CDH13: variants seen among roughly 807,000 people sequenced by gnomAD.
The protein encoded by CDH13 is cadherin-13.
In CDH13, 24 loss-of-function variants were observed where a neutral mutation model predicts 63.8. The observed-to-expected ratio is 0.38, with a 90% CI of 0.27 to 0.53. CDH13 has a LOEUF of 0.53. CDH13 is among the 20% of genes least tolerant of loss of function. CDH13 has a pLI of 0.85. For synonymous variants in CDH13, 503 were observed against 355.3 expected, an observed-to-expected ratio of 1.42 and a Z score of -4.67; for missense variants, 1,049 against 903.1, an observed-to-expected ratio of 1.16 and a Z score of -2.07.
intron 1 of CDH13, among the ~76,000 whole-genome samples, chr16:82,683,117 C>T (rs1914720473): frequency 6.6e-6 from 1 of 152,182 alleles, no homozygotes; most frequent in South Asian, 2.1e-4. Context: ...CATCAGTATC[C>T]AGTGAAACAA....
chr16:82,669,656 G>A (rs1284553886), intron 1 of CDH13, among the ~76,000 whole-genome samples: 1 of 152,246 alleles, frequency 6.6e-6, no homozygotes, highest in Non-Finnish European at 1.5e-5. Context: ...CAATTAAGAT[G>A]CTGTTTCTTC....
intron 4 of CDH13, among the ~76,000 whole-genome samples, chr16:83,189,321 G>T (rs997204365): frequency 2.0e-5 from 3 of 152,114 alleles, no homozygotes; most frequent in African/African-American, 7.2e-5. Context: ...TTTGCCCCCA[G>T]TCTCCCTGGG....
intron 1 of CDH13, among the ~76,000 whole-genome samples, chr16:82,806,157 T>C (rs945950570): frequency 3.9e-5 from 6 of 152,208 alleles, no homozygotes; most frequent in Admixed American, 1.3e-4. Context: ...TCCCAAAGCA[T>C]ATAAGGACTC....
chr16:82,870,117 C>G (rs1166272076), intron 2 of CDH13, among the ~76,000 whole-genome samples: 1 of 151,204 alleles, frequency 6.6e-6, no homozygotes, highest in Non-Finnish European at 1.5e-5. Context: ...GGAAGTCAAA[C>G]AACTCAATAG....
intron 2 of CDH13, among the ~76,000 whole-genome samples, chr16:82,880,916 C>A (rs1398968097): frequency 6.6e-6 from 1 of 152,136 alleles, no homozygotes; most frequent in African/African-American, 2.4e-5. Flanking sequence ...TGCCCAACAT[C>A]TGGGGCTTTG....
rs551771010 is a variant in CDH13, at chr16:83,526,641, G to A, written c.960+39986G>A. On this transcript the variant is annotated intron_variant, in intron 7 of 13. Coordinates refer to ENST00000567109, the MANE Select transcript of CDH13 (RefSeq NM_001257.5). ...ACAGCGTACAGACTAGTTCTGGTCC[G>A]TGGCCCGGGGGCTGGCGGCTCCTGG... is the stretch of plus-strand genomic sequence containing the variant. Among the ~76,000 whole-genome samples, 9 of 152,300 alleles carry A rather than the reference G, an allele frequency of 5.9e-5. No homozygotes were observed. The South Asian group carries it at 8.3e-4, about 14-fold the overall frequency.
At chr16:82,791,112 C>A (rs993679989) in intron 1 of CDH13, among the ~76,000 whole-genome samples, 7 of 152,130 alleles carry the variant, frequency 4.6e-5, no homozygotes, top group African/African-American at 1.7e-4. Flanking sequence ...TGGCAGGTGC[C>A]TGCAGTTCCA....
intron 6 of CDH13, among the ~76,000 whole-genome samples, chr16:83,438,276 A>G (rs1412289552): frequency 6.6e-6 from 1 of 152,226 alleles, no homozygotes; most frequent in Admixed American, 6.5e-5. Context: ...AACTGCAGGA[A>G]TCATTTGCAG....
intron 11 of CDH13, among the ~76,000 whole-genome samples, chr16:83,772,442 C>G (rs1421304814): frequency 6.6e-6 from 1 of 152,138 alleles, no homozygotes; most frequent in East Asian, 1.9e-4. Flanking sequence ...AATTAGCAGA[C>G]CAAATGCCAG....
chr16:82,956,077 A>G (rs1196257960), intron 2 of CDH13, among the ~76,000 whole-genome samples: 3 of 152,012 alleles, frequency 2.0e-5, no homozygotes, highest in Non-Finnish European at 2.9e-5. Context: ...ACCAACCTCT[A>G]ACCTCAACCC....
At chr16:83,513,576 G>A (rs1016494531) in intron 7 of CDH13, among the ~76,000 whole-genome samples, 3 of 152,122 alleles carry the variant, frequency 2.0e-5, no homozygotes, top group Admixed American at 6.5e-5. Flanking sequence ...AAAGTCAACC[G>A]TCCTTCTTCA....
chr16:83,777,256 G>A (rs1046642425), intron 11 of CDH13, among the ~76,000 whole-genome samples: 3 of 152,176 alleles, frequency 2.0e-5, no homozygotes, highest in Admixed American at 6.5e-5. Context: ...GTGGCCTCGT[G>A]CACTCTGTAG....
chr16:83,056,345 C>G (rs2030930852), intron 3 of CDH13, among the ~76,000 whole-genome samples: 1 of 151,928 alleles, frequency 6.6e-6, no homozygotes, highest in East Asian at 1.9e-4. Flanking sequence ...AAGGCTCTTA[C>G]AAGAAAGTCC....
chr16:83,732,420 A>T (rs562449223), intron 10 of CDH13, among the ~76,000 whole-genome samples: 29 of 152,238 alleles, frequency 1.9e-4, no homozygotes, highest in Middle Eastern at 3.4e-3. Flanking sequence ...GGGTGAGTTG[A>T]TGGTGGGAGG....
At chr16:83,498,057 G>C (rs958939131) in intron 7 of CDH13, among the ~76,000 whole-genome samples, 2 of 152,132 alleles carry the variant, frequency 1.3e-5, no homozygotes, top group African/African-American at 4.8e-5. Flanking sequence ...TTTTTAAAAA[G>C]CAGTCCAACA....
At chr16:83,732,412 G>A (rs1266313659) in intron 10 of CDH13, among the ~76,000 whole-genome samples, 1 of 152,196 alleles carries the variant, frequency 6.6e-6, no homozygotes, top group African/African-American at 2.4e-5. Context: ...GGGGAACAGG[G>A]TGAGTTGATG....
At chr16:83,280,983 C>G (rs994043102) in intron 5 of CDH13, among the ~76,000 whole-genome samples, 1 of 152,176 alleles carries the variant, frequency 6.6e-6, no homozygotes, top group Non-Finnish European at 1.5e-5. Context: ...ATTTATAGAG[C>G]AAGATTAAAT....
intron 2 of CDH13, chr16:82,954,505 G>A (rs918890705): frequency 1.3e-5 from 2 of 152,118 alleles, no homozygotes; most frequent in African/African-American, 4.8e-5. Context: ...GTCACAAAGC[G>A]CTTGTGATGG....
intron 7 of CDH13, among the ~76,000 whole-genome samples, chr16:83,535,056 C>A (rs1308284926): frequency 6.6e-6 from 1 of 152,162 alleles, no homozygotes; most frequent in Admixed American, 6.5e-5. Flanking sequence ...CTCACAGGTC[C>A]TGGGAATTAT....
Sources: allele counts gnomAD v4.1 joint callset (sites outside exome capture counted in the v4.1 genomes callset), GRCh38; gene constraint gnomAD v4.1.1; transcripts MANE v1.5; gene names NCBI Gene and HGNC (gene_info 2026-07-23, HGNC 2026-07-21).